NEURL1: variants seen among roughly 807,000 people sequenced by gnomAD.
NEURL1 encodes the protein E3 ubiquitin-protein ligase NEURL1.
In NEURL1, 26 loss-of-function variants were observed where a neutral mutation model predicts 41.2. The ratio of observed to expected loss-of-function variants is 0.63; its 90% CI spans 0.46 to 0.87. NEURL1 has a LOEUF of 0.87. Among genes scored for constraint, NEURL1 ranks in the 40% least tolerant of loss-of-function variants. The pLI is 0.00. For synonymous variants in NEURL1, 400 were observed against 402.3 expected (o/e 0.99, Z 0.07); for missense variants, 761 against 871.1 (o/e 0.87, Z 1.59).
chr10:103,585,600 C>T (rs911170684), intron 4 of NEURL1, among the ~76,000 whole-genome samples: 1 of 152,076 alleles, frequency 6.6e-6, no homozygotes, highest in Non-Finnish European at 1.5e-5. Flanking sequence ...TTTGGGAGGC[C>T]GAGGCGGGCG....
chr10:103,495,637 T>G (rs2033665067), intron 1 of NEURL1, among the ~76,000 whole-genome samples: 1 of 152,196 alleles, frequency 6.6e-6, no homozygotes, highest in Non-Finnish European at 1.5e-5. Flanking sequence ...TCCCTTCTTT[T>G]GCTGAACAGT....
Position 103,584,649 on chromosome 10 carries a change from C to T in NEURL1, c.763C>T (p.Leu255Phe). Residue 255 changes from leucine (L) to phenylalanine (F), a missense_variant, in exon 4 of 6, where the codon CTC becomes TTC. Around this residue, in one of 5 missense-constraint regions of NEURL1, gnomAD observed 114 missense variants for 144.8 expected, o/e 0.79. Transcript: ENST00000369780. Reference protein sequence around the residue: ...DARLSVSLCDLNVPGADGDEA... With the variant: ...DARLSVSLCDFNVPGADGDEA... Reference sequence around the variant, plus strand: ...GCGCCTCTCGGTGAGCCTATGCGACCTCAACGTGCCGGGCGCGGACGGCGA... The same window carrying T: ...GCGCCTCTCGGTGAGCCTATGCGACTTCAACGTGCCGGGCGCGGACGGCGA... 2 of 1,428,084 alleles carry T rather than the reference C, an allele frequency of 1.4e-6. No homozygotes were observed. Among genetic ancestry groups the T allele is most frequent in the South Asian group, 2.9e-5 (2 of 69,880 alleles). 88.5% of individuals were successfully genotyped at this position (1,428,084 alleles called of 1,614,324 possible). A position where few individuals can be genotyped will look rare whatever the true frequency, so the allele number is the denominator to read the frequency against.
rs1002799535 is a variant in NEURL1, at chr10:103,590,129, C to G, written c.1487-5C>G. The G allele has an allele frequency of 2.5e-6, 4 of 1,613,172 alleles. No homozygotes were observed. In the African/African-American group the frequency reaches 5.3e-5, roughly 22 times the overall value. On this transcript the variant is annotated splice_polypyrimidine_tract_variant and splice_region_variant and intron_variant, in intron 5 of 5. Coordinates refer to ENST00000369780, the MANE Select transcript of NEURL1 (RefSeq NM_004210.5). ...TCCTCCTGACTGGTGCCCCCTTGTCCTCAGGGACAGCCCCCAATTCGCCAG... is the reference window on the plus strand; with the variant it reads ...TCCTCCTGACTGGTGCCCCCTTGTCGTCAGGGACAGCCCCCAATTCGCCAG...
chr10:103,573,250 G>A (rs959303426), intron 3 of NEURL1, among the ~76,000 whole-genome samples: 1 of 152,152 alleles, frequency 6.6e-6, no homozygotes, highest in Non-Finnish European at 1.5e-5. Flanking sequence ...GGGTCTCAGC[G>A]ACTGAAGAAG....
intron 1 of NEURL1, among the ~76,000 whole-genome samples, chr10:103,501,303 G>C (rs558119097): frequency 2.0e-5 from 3 of 152,304 alleles, no homozygotes; most frequent in South Asian, 4.1e-4. Flanking sequence ...GCTGGGGAGA[G>C]GAGGAGATGA....
chr10:103,586,278 A>T (rs1178066910), intron 4 of NEURL1, among the ~76,000 whole-genome samples: 1 of 152,090 alleles, frequency 6.6e-6, no homozygotes, highest in East Asian at 1.9e-4. Flanking sequence ...GTACCTTTGT[A>T]CCCCAGAGTG....
chr10:103,585,236 G>A lies in NEURL1; in HGVS notation c.1339+11G>A, dbSNP rs766388718. ...AGATCCGCATCCTCGGTGAGTGCCCGCAGCTGCGCCTGGGCGTATGCCTTT... is the reference window on the plus strand; with the variant it reads ...AGATCCGCATCCTCGGTGAGTGCCCACAGCTGCGCCTGGGCGTATGCCTTT... On this transcript the variant is annotated intron_variant, in intron 4 of 5. Coordinates refer to ENST00000369780, the MANE Select transcript of NEURL1 (RefSeq NM_004210.5). The A allele has an allele frequency of 5.3e-5, 79 of 1,500,972 alleles. No homozygotes were observed. Among genetic ancestry groups the A allele is most frequent in the Non-Finnish European group, 6.8e-5 (77 of 1,125,768 alleles). The allele number at this position is 1,500,972 out of a possible 1,614,324, so 93.0% of individuals were successfully genotyped here.
At chr10:103,555,310 A>C (rs2035125219) in intron 1 of NEURL1, 1 of 1,265,918 alleles carries the variant, frequency 7.9e-7, no homozygotes, top group Non-Finnish European at 1.0e-6. Context: ...GGAGGGGAGC[A>C]GCCGGCCGGG....
At chr10:103,587,443 A>G (rs2035945970) in intron 4 of NEURL1, among the ~76,000 whole-genome samples, 1 of 152,264 alleles carries the variant, frequency 6.6e-6, no homozygotes, top group South Asian at 2.1e-4. Context: ...ATATACATTC[A>G]ACAAAGTGCT....
chr10:103,537,590 C>T (rs1024088691), intron 1 of NEURL1, among the ~76,000 whole-genome samples: 1 of 152,136 alleles, frequency 6.6e-6, no homozygotes, highest in African/African-American at 2.4e-5. Flanking sequence ...GATGGGACTT[C>T]ACCATGTTGC....
chr10:103,590,089 G>A (rs772389319), intron 5 of NEURL1, 45 bp from the exon 6 acceptor site: 24 of 1,578,974 alleles, frequency 1.5e-5, no homozygotes, highest in Middle Eastern at 4.3e-4. Context: ...ATCCAGCGCC[G>A]GGTTGGGCCA....
At chr10:103,541,997 A>G (rs575467673) in intron 1 of NEURL1, among the ~76,000 whole-genome samples, 9 of 152,096 alleles carry the variant, frequency 5.9e-5, no homozygotes, top group African/African-American at 9.7e-5. Flanking sequence ...AACGACCCCT[A>G]TGTTCTGTGG....
Position 103,500,476 on chromosome 10 carries a change from C to T in NEURL1, c.85+6004C>T, listed in dbSNP as rs12415696. Among the ~76,000 whole-genome samples, 140 of 152,330 alleles carry T rather than the reference C, an allele frequency of 9.2e-4. 1 individual carries two copies. Among genetic ancestry groups the T allele is most frequent in the Admixed American group, 9.0e-3 (137 of 15,306 alleles). ...TTATTGTGATCGCTGTATTATCCTG[C>T]CCCTGTAGCATTTAGCCTTGGGTGG... is the stretch of plus-strand genomic sequence containing the variant. On this transcript the variant is annotated intron_variant, in intron 1 of 5. Coordinates refer to ENST00000369780, the MANE Select transcript of NEURL1 (RefSeq NM_004210.5).
intron 1 of NEURL1, among the ~76,000 whole-genome samples, chr10:103,510,164 C>T (rs2034037534): frequency 6.6e-6 from 1 of 152,100 alleles, no homozygotes; most frequent in African/African-American, 2.4e-5. Flanking sequence ...CCAGCCCTGG[C>T]CTTGGTGTAA....
chr10:103,572,636 T>C (rs758407268), intron 3 of NEURL1, among the ~76,000 whole-genome samples: 3 of 152,106 alleles, frequency 2.0e-5, no homozygotes, highest in Non-Finnish European at 4.4e-5. Flanking sequence ...ACACAGTAAG[T>C]TGGTGGTTAA....
intron 1 of NEURL1, among the ~76,000 whole-genome samples, chr10:103,533,852 G>C (rs2034635474): frequency 6.6e-6 from 1 of 151,526 alleles, no homozygotes; most frequent in African/African-American, 2.4e-5. Context: ...TGTATTTTTA[G>C]TAGAGATGGG....
chr10:103,530,635 G>C (rs746945971), intron 1 of NEURL1, among the ~76,000 whole-genome samples: 2 of 151,684 alleles, frequency 1.3e-5, no homozygotes, highest in Admixed American at 6.6e-5. Flanking sequence ...CTGCCTCCCA[G>C]GTTCAAACAA....
intron 1 of NEURL1, among the ~76,000 whole-genome samples, chr10:103,534,025 G>A (rs573222661): frequency 2.0e-5 from 3 of 152,114 alleles, no homozygotes; most frequent in African/African-American, 7.2e-5. Flanking sequence ...ATCAAGCGCT[G>A]TTGAAGCTCT....
At chr10:103,499,125 C>T (rs1471269819) in intron 1 of NEURL1, among the ~76,000 whole-genome samples, 4 of 152,196 alleles carry the variant, frequency 2.6e-5, no homozygotes, top group Non-Finnish European at 5.9e-5. Context: ...CTGGTTGTGA[C>T]AGTTGTAGGA....
Sources: allele counts gnomAD v4.1 joint callset (sites outside exome capture counted in the v4.1 genomes callset), GRCh38; gene constraint gnomAD v4.1.1; regional missense constraint gnomAD v4.1.1; transcripts MANE v1.5; gene names NCBI Gene and HGNC (gene_info 2026-07-23, HGNC 2026-07-21).